The following AFF1 variants were observed in gnomAD, a reference collection of about 807,000 sequenced individuals.
AFF1 encodes the protein AF4/FMR2 family member 1.
A neutral mutation model predicts 121.7 loss-of-function variants in AFF1; 48 were observed. That is an observed-to-expected ratio of 0.39 (90% CI 0.31 to 0.50). The LOEUF is 0.50. AFF1 is among the 20% of genes least tolerant of loss of function. The pLI, the probability that AFF1 is intolerant of heterozygous loss-of-function variation, is 0.76. For missense variants in AFF1, 1,523 were observed against 1,511.7 expected, an observed-to-expected ratio of 1.01 and a Z score of -0.12; for synonymous variants, 613 against 563.0, an observed-to-expected ratio of 1.09 and a Z score of -1.26.
chr4:86,961,754 AGAT>A (rs1231825580), intron 2 of AFF1, among the ~76,000 whole-genome samples: 3 of 151,824 alleles, frequency 2.0e-5, no homozygotes, highest in African/African-American at 7.3e-5. Context: ...CGCCGTGGTG[AGAT>A]GATGTGTGCT....
At chr4:87,059,492 T>A (rs1248934130) in intron 4 of AFF1, among the ~76,000 whole-genome samples, 1 of 152,238 alleles carries the variant, frequency 6.6e-6, no homozygotes, top group Non-Finnish European at 1.5e-5. Flanking sequence ...TTTCTTGAAC[T>A]GTTACAACTT....
At chr4:86,973,766 TTTC>T (rs1723105124) in intron 2 of AFF1, 1 of 152,206 alleles carries the variant, frequency 6.6e-6, no homozygotes, top group African/African-American at 2.4e-5. Context: ...TTTTTTTTCT[TTTC>T]TTCCTTTCTT....
intron 2 of AFF1, chr4:87,036,865 C>G (rs1357726349): frequency 2.2e-6 from 1 of 463,732 alleles, no homozygotes; most frequent in Non-Finnish European, 4.2e-6. Context: ...CGGCTTCTTG[C>G]TCCATCGCTG....
At position 87,047,059 on chromosome 4, in the gene AFF1, G is replaced by A. The variant is rs762072188; in HGVS notation, c.524G>A (p.Gly175Glu). Reference protein sequence around the residue: ...HLTQDRLGQEGFGSSHHKKGD... With the variant: ...HLTQDRLGQEEFGSSHHKKGD... ...ACCCAGGATCGCCTTGGTCAGGAGG[G>A]GTTCGGCTCTAGTCATCACAAGAAA... Residue 175 changes from glycine (G) to glutamate (E), a missense_variant, in exon 4 of 21, where the codon GGG becomes GAG. Transcript: ENST00000395146. 3.1e-6 allele frequency: 5 copies of A among 1,614,136 alleles called. No individual in the cohort carries two copies. The South Asian group carries it at 5.5e-5, about 18-fold the overall frequency.
chr4:87,039,204 AAG>A (rs1310917514), intron 2 of AFF1, among the ~76,000 whole-genome samples: 2 of 152,252 alleles, frequency 1.3e-5, no homozygotes, highest in Non-Finnish European at 2.9e-5. Context: ...GTGTGAAGGA[AAG>A]AGAAAAAGGA....
rs900370396 is a variant in AFF1, at chr4:87,093,419, C to T, written c.1229-1496C>T. ...TAGCTTTCAGTGAAGAGAAGACAAA[C>T]ATTTCTTAAAGTATGCCCAGCAAGT... is the stretch of plus-strand genomic sequence containing the variant. On this transcript the variant is annotated intron_variant, in intron 7 of 20. Coordinates refer to ENST00000395146, the MANE Select transcript of AFF1 (RefSeq NM_001166693.3). Among the ~76,000 whole-genome samples the T allele has an allele frequency of 8.5e-5, 13 of 152,312 alleles. No individual in the cohort carries two copies. The East Asian group carries it at 2.1e-3, about 25-fold the overall frequency.
In AFF1 at chr4:87,134,485, C is replaced by T. The variant is rs755513702; in HGVS notation, c.3326C>T (p.Pro1109Leu). The T allele has an allele frequency of 7.6e-5, 122 of 1,602,718 alleles. No homozygotes were observed. Among genetic ancestry groups the T allele is most frequent in the Non-Finnish European group, 9.9e-5 (116 of 1,174,746 alleles). ...SPCIARSTGT[P>L]SPLSPMPSPA... ...CCACCTCCCAGAAGCACAGGCACAC[C>T]ATCCCCTCTTTCCCCAATGCCTTCT... Residue 1109 changes from proline (P) to leucine (L), a missense_variant, in exon 20 of 21, where the codon CCA becomes CTA. By Grantham distance (98) the Pro-to-Leu change is moderately conservative. Coordinates refer to ENST00000395146, the MANE Select transcript of AFF1 (RefSeq NM_001166693.3).
intron 12 of AFF1, among the ~76,000 whole-genome samples, chr4:87,120,934 C>A (rs918288382): frequency 6.6e-6 from 1 of 152,160 alleles, no homozygotes; most frequent in African/African-American, 2.4e-5. Flanking sequence ...CTTTCCCTGA[C>A]GGAAACTGAC....
At position 87,065,809 on chromosome 4, in the gene AFF1, C is replaced by G. The variant is rs3775227; in HGVS notation, c.1059+18215C>G. ...AATTTTGCCCATTATTTTTCCCCCC[C>G]CTTTCTCTGTGCAACCTCTCTGCCC... On this transcript the variant is annotated intron_variant, in intron 4 of 20. Transcript: ENST00000395146. 0.012 allele frequency among the ~76,000 whole-genome samples: 1,778 copies of G among 152,244 alleles called. 84 individuals are homozygous for G. The East Asian group carries it at 0.14, about 12-fold the overall frequency.
intron 11 of AFF1, among the ~76,000 whole-genome samples, chr4:87,108,954 GC>G (rs1560633160): frequency 6.6e-6 from 1 of 152,130 alleles, no homozygotes; most frequent in African/African-American, 2.4e-5. Context: ...AAAATCTTAG[GC>G]ACTAAATAAA....
intron 2 of AFF1, among the ~76,000 whole-genome samples, chr4:86,994,932 A>G (rs558903658): frequency 6.6e-6 from 1 of 152,208 alleles, no homozygotes; most frequent in East Asian, 1.9e-4. Context: ...GAAGGGTGTT[A>G]GATATCCTGT....
At chr4:87,001,373 C>T (rs188656942) in intron 2 of AFF1, among the ~76,000 whole-genome samples, 8 of 151,814 alleles carry the variant, frequency 5.3e-5, no homozygotes, top group East Asian at 3.9e-4. Flanking sequence ...CTTGCCTCCA[C>T]GCCTGGCTAA....
intron 2 of AFF1, 60 bp downstream of exon 2, chr4:86,948,631 CA>C (rs1484321688): frequency 6.8e-7 from 1 of 1,477,766 alleles, no homozygotes; most frequent in Non-Finnish European, 9.1e-7. Context: ...ATCTACTTTT[CA>C]ATGAATAAGT....
chr4:87,027,458 A>G (rs992089299), intron 2 of AFF1, among the ~76,000 whole-genome samples: 4 of 152,338 alleles, frequency 2.6e-5, no homozygotes, highest in East Asian at 1.9e-4. Flanking sequence ...AATATTTCAT[A>G]GATAAATTTG....
At chr4:87,013,737 A>AT (rs1297250418) in intron 2 of AFF1, among the ~76,000 whole-genome samples, 2 of 146,390 alleles carry the variant, frequency 1.4e-5, no homozygotes, top group African/African-American at 5.1e-5. Context: ...GTAAAAGGCT[A>AT]TTTTAGGGGC....
At chr4:87,108,410 C>G in intron 11 of AFF1, 95 bp downstream of exon 11, 3 of 1,341,476 alleles carry the variant, frequency 2.2e-6, no homozygotes, top group Non-Finnish European at 2.0e-6. Flanking sequence ...GACCATGAGA[C>G]TGAGTCATTC....
intron 1 of AFF1, among the ~76,000 whole-genome samples, chr4:86,940,236 CT>C (rs1486991487): frequency 6.6e-6 from 1 of 152,190 alleles, no homozygotes; most frequent in East Asian, 1.9e-4. Context: ...TCATGGACCC[CT>C]GGGTTACAGA....
At chr4:87,111,993 C>G (rs1447324855) in intron 11 of AFF1, among the ~76,000 whole-genome samples, 1 of 152,150 alleles carries the variant, frequency 6.6e-6, no homozygotes, top group Non-Finnish European at 1.5e-5. Context: ...CTTTTGGGTT[C>G]ACACATAAAT....
chr4:87,026,061 CT>C (rs34793575), intron 2 of AFF1, among the ~76,000 whole-genome samples: 1,180 of 109,696 alleles, frequency 0.011, 9 homozygotes, highest in Admixed American at 0.016. Flanking sequence ...AGAGACCATG[CT>C]TTTTTTTTTT....
Sources: allele counts gnomAD v4.1 joint callset (sites outside exome capture counted in the v4.1 genomes callset), GRCh38; gene constraint gnomAD v4.1.1; transcripts MANE v1.5; gene names NCBI Gene and HGNC (gene_info 2026-07-23, HGNC 2026-07-21).